Variants in ATP6V0D2 observed in about 807,000 individuals in gnomAD.
The protein encoded by ATP6V0D2 is ATPase H+ transporting V0 subunit d2, also known as V-type proton ATPase subunit d 2.
In ATP6V0D2, 40 loss-of-function variants were observed where a neutral mutation model predicts 40.0. That is an observed-to-expected ratio of 1.00 (90% CI 0.78 to 1.30). The LOEUF is 1.30. Among genes scored for constraint, ATP6V0D2 ranks in the 50% most tolerant of loss-of-function variants. The pLI is 0.00. For missense variants in ATP6V0D2, 470 were observed against 423.1 expected (o/e 1.11, Z -0.97); for synonymous variants, 179 against 156.3 (o/e 1.15, Z -1.08).
chr8:86,124,822 G>T (rs1181708710), intron 2 of ATP6V0D2, among the ~76,000 whole-genome samples: 4 of 152,126 alleles, frequency 2.6e-5, no homozygotes, highest in Non-Finnish European at 4.4e-5. Flanking sequence ...TGAGTCCTCT[G>T]TGACTACATA....
intron 2 of ATP6V0D2, among the ~76,000 whole-genome samples, chr8:86,116,754 T>G (rs1364648600): frequency 6.6e-6 from 1 of 152,190 alleles, no homozygotes; most frequent in Non-Finnish European, 1.5e-5. Flanking sequence ...GCAGTGGAAG[T>G]AGTGAGTCAA....
Position 86,152,927 on chromosome 8 carries a change from A to T in ATP6V0D2, c.1003A>T (p.Ile335Phe). The change falls in exon 8 of 8, where the codon ATT becomes TTT. Residue 335 changes from isoleucine (I) to phenylalanine (F), a missense_variant. Coordinates refer to ENST00000285393, the MANE Select transcript of ATP6V0D2 (RefSeq NM_152565.1). The stretch of plus-strand genomic sequence containing the variant: ...AAATATTGTGTGGATAGCAGAATGT[A>T]TTTCACAGAGGCATCGAACTAAAAT... ...IRNIVWIAEC[I>F]SQRHRTKINS... is the part of the protein sequence containing the mutation. 1 of 1,611,926 alleles carries T rather than the reference A, an allele frequency of 6.2e-7. No homozygotes were observed. Among genetic ancestry groups the T allele is most frequent in the South Asian group, 1.1e-5 (1 of 90,558 alleles).
intron 1 of ATP6V0D2, among the ~76,000 whole-genome samples, chr8:86,104,558 T>C (rs1818443602): frequency 1.3e-5 from 2 of 152,072 alleles, no homozygotes; most frequent in Non-Finnish European, 2.9e-5. Flanking sequence ...ATTACCTAGC[T>C]ACAAAGAAAC....
intron 2 of ATP6V0D2, among the ~76,000 whole-genome samples, chr8:86,119,944 G>A (rs1199058721): frequency 6.6e-6 from 1 of 152,088 alleles, no homozygotes; most frequent in Non-Finnish European, 1.5e-5. Context: ...ACTTTACACG[G>A]AGCTAGAAAA....
chr8:86,143,093 T>C (rs1422066889), intron 5 of ATP6V0D2, 139 bp downstream of exon 5: 11 of 526,936 alleles, frequency 2.1e-5, no homozygotes, highest in East Asian at 3.1e-5. Context: ...TTATTATACA[T>C]ATGATTTGAT....
At chr8:86,103,512 C>A (rs988262622) in intron 1 of ATP6V0D2, among the ~76,000 whole-genome samples, 35 of 151,980 alleles carry the variant, frequency 2.3e-4, no homozygotes, top group African/African-American at 7.0e-4. Context: ...ATGGTGCCCC[C>A]CTGTCAAGGG....
At chr8:86,112,336 G>A (rs535988787) in intron 1 of ATP6V0D2, among the ~76,000 whole-genome samples, 1 of 152,210 alleles carries the variant, frequency 6.6e-6, no homozygotes, top group East Asian at 1.9e-4. Flanking sequence ...GAATTAGTTG[G>A]CAATAAAATA....
chr8:86,099,254 G>A, intron 1 of ATP6V0D2, 146 bp downstream of exon 1: 1 of 855,660 alleles, frequency 1.2e-6, no homozygotes, highest in Non-Finnish European at 1.6e-6. Context: ...AGATTTCTGG[G>A]GTCCATAAAC....
At chr8:86,148,325 A>G (rs1018415429) in intron 5 of ATP6V0D2, among the ~76,000 whole-genome samples, 3 of 151,938 alleles carry the variant, frequency 2.0e-5, no homozygotes, top group Non-Finnish European at 4.4e-5. Context: ...ACATAAAGCC[A>G]CTCCCTACTT....
chr8:86,141,392 C>T, intron 3 of ATP6V0D2, 58 bp from the exon 4 acceptor site: 1 of 1,360,736 alleles, frequency 7.3e-7, no homozygotes. Context: ...GATACGTTTT[C>T]TACAGCTTAT....
chr8:86,105,258 CT>C (rs1818454283), intron 1 of ATP6V0D2, among the ~76,000 whole-genome samples: 1 of 152,156 alleles, frequency 6.6e-6, no homozygotes. Flanking sequence ...ACAGGCTTAA[CT>C]GATAAATAAA....
rs1433575995 is a variant in ATP6V0D2 at position 86,113,864 on chromosome 8, T to C, written c.286T>C (p.Phe96Leu). ...RNHSLEPLST[F>L]LTYMTCSYMI... ...TCATTCCCTGGAGCCCCTCAGCACA[T>C]TTCTCACCTATATGACGTAAGTGAT... Residue 96 changes from phenylalanine to leucine, a missense_variant, in exon 2 of 8, where the codon TTT (phenylalanine) becomes CTT (leucine). Physicochemically the swap from Phe to Leu is conservative, Grantham distance 22 (BLOSUM62 0). Transcript: ENST00000285393. The C allele has an allele frequency of 6.2e-7, 1 of 1,612,948 alleles. No homozygotes were observed. The highest frequency in any genetic ancestry group is 1.7e-5 in the Admixed American group (1 of 59,816).
intron 5 of ATP6V0D2, among the ~76,000 whole-genome samples, chr8:86,145,370 G>GAAAGAAAAGAA (rs33955030): frequency 0.071 from 4,995 of 70,054 alleles, 223 homozygotes; most frequent in Middle Eastern, 0.1. Flanking sequence ...AGGAAGGAAG[G>GAAAGAAAAGAA]AAGGAAAGAA....
chr8:86,132,158 G>A lies in ATP6V0D2; in HGVS notation c.303-7299G>A, dbSNP rs951841025. On this transcript the variant is annotated intron_variant, in intron 2 of 7. Transcript: ENST00000285393. ...GCCCTGAGGTATAAAAAGCTTTAGGGCACTAAACAAACCACAGGACCATTT... is the reference window on the plus strand; with the variant it reads ...GCCCTGAGGTATAAAAAGCTTTAGGACACTAAACAAACCACAGGACCATTT... 8.5e-5 allele frequency among the ~76,000 whole-genome samples: 13 copies of A among 152,072 alleles called. No individual in the cohort carries two copies. The South Asian group carries it at 1.2e-3, about 15-fold the overall frequency.
intron 5 of ATP6V0D2, among the ~76,000 whole-genome samples, chr8:86,148,900 C>T (rs1263489618): frequency 6.6e-6 from 1 of 151,376 alleles, no homozygotes; most frequent in African/African-American, 2.4e-5. Context: ...GGCAAAATCC[C>T]GTCTCTACAA....
At chr8:86,134,088 C>A (rs958387430) in intron 2 of ATP6V0D2, among the ~76,000 whole-genome samples, 2 of 152,036 alleles carry the variant, frequency 1.3e-5, no homozygotes, top group Non-Finnish European at 2.9e-5. Flanking sequence ...TGACACCTTA[C>A]CAATAAGAGA....
At chr8:86,143,306 A>C (rs1291128388) in intron 5 of ATP6V0D2, among the ~76,000 whole-genome samples, 1 of 152,194 alleles carries the variant, frequency 6.6e-6, no homozygotes, top group Non-Finnish European at 1.5e-5. Flanking sequence ...CCCAATCCAG[A>C]CCCCAAGAGA....
intron 1 of ATP6V0D2, among the ~76,000 whole-genome samples, chr8:86,112,833 G>T (rs534104660): frequency 2.0e-5 from 3 of 152,112 alleles, no homozygotes; most frequent in Non-Finnish European, 4.4e-5. Context: ...GCATGGTCTG[G>T]TGGAAACGAT....
chr8:86,137,708 C>A (rs1465167937), intron 2 of ATP6V0D2, among the ~76,000 whole-genome samples: 2 of 152,062 alleles, frequency 1.3e-5, no homozygotes, highest in Admixed American at 6.6e-5. Flanking sequence ...AGCCCAGAAA[C>A]CTACACATCA....
Sources: allele counts gnomAD v4.1 joint callset (sites outside exome capture counted in the v4.1 genomes callset), GRCh38; gene constraint gnomAD v4.1.1; transcripts MANE v1.5; gene names NCBI Gene and HGNC (gene_info 2026-07-23, HGNC 2026-07-21).